Variants in ZFYVE9 observed in about 807,000 individuals in gnomAD.
ZFYVE9 encodes zinc finger FYVE domain-containing protein 9.
In ZFYVE9, 43 loss-of-function variants were observed where a neutral mutation model predicts 126.7. That is an observed-to-expected ratio of 0.34 (90% CI 0.27 to 0.44). The LOEUF is 0.44. ZFYVE9 is among the 20% of genes least tolerant of loss of function. ZFYVE9 has a pLI of 1.00. For missense variants in ZFYVE9, 1,476 were observed against 1,697.0 expected (o/e 0.87, Z 2.29); for synonymous variants, 521 against 597.4 (o/e 0.87, Z 1.87).
At chr1:52,155,742 A>G (rs1410126597) in intron 1 of ZFYVE9, among the ~76,000 whole-genome samples, 5 of 152,318 alleles carry the variant, frequency 3.3e-5, no homozygotes, top group Non-Finnish European at 5.9e-5. Flanking sequence ...CAACCAGTAT[A>G]TGGGCCACAG....
chr1:52,192,256 CT>C (rs1319447263), intron 1 of ZFYVE9, among the ~76,000 whole-genome samples: 1 of 152,152 alleles, frequency 6.6e-6, no homozygotes, highest in African/African-American at 2.4e-5. Flanking sequence ...TGTAAAAGCA[CT>C]TTTAGGCATT....
intron 7 of ZFYVE9, among the ~76,000 whole-genome samples, chr1:52,269,616 G>A (rs557687235): frequency 4.9e-4 from 75 of 152,128 alleles, no homozygotes; most frequent in Non-Finnish European, 9.0e-4. Flanking sequence ...TACCTGTTTG[G>A]TGAGTTATTG....
chr1:52,274,636 C>G (rs772047250), intron 8 of ZFYVE9, 52 bp downstream of exon 8: 1 of 1,507,230 alleles, frequency 6.6e-7, no homozygotes, highest in South Asian at 1.3e-5. Context: ...CAAATGTTAC[C>G]TTCTAATTAA....
At chr1:52,307,495 C>A (rs1569724345) in intron 13 of ZFYVE9, among the ~76,000 whole-genome samples, 1 of 152,302 alleles carries the variant, frequency 6.6e-6, no homozygotes, top group East Asian at 1.9e-4. Flanking sequence ...CCTTGGCCTC[C>A]CAAAGTGCTA....
At chr1:52,278,814 C>T (rs570661934) in intron 9 of ZFYVE9, among the ~76,000 whole-genome samples, 200 bp downstream of exon 9, 242 of 151,508 alleles carry the variant, frequency 1.6e-3, no homozygotes, top group African/African-American at 5.7e-3. Context: ...GCAAGCTCCA[C>T]CTCCCGGGTT....
At position 52,255,981 on chromosome 1, in the gene ZFYVE9, TTTCC is replaced by T. The variant is rs772190432; in HGVS notation, c.2179-7764_2179-7761del. Among the ~76,000 whole-genome samples the T allele has an allele frequency of 5.1e-3, 587 of 115,512 alleles. 14 individuals are homozygous for T. Among genetic ancestry groups the T allele is most frequent in the East Asian group, 0.035 (129 of 3,642 alleles). The allele number at this position is 115,512 out of a possible 152,430, so 75.8% of individuals were successfully genotyped here. A position where few individuals can be genotyped will look rare whatever the true frequency, so the allele number is the denominator to read the frequency against. On this transcript the variant is annotated intron_variant, in intron 4 of 18. Coordinates refer to ENST00000287727, the MANE Select transcript of ZFYVE9 (RefSeq NM_004799.4). ...TTCTTTTCTTTTCTTTCTTTCTTTCTTTCCTTCCTTCCTTCCTTCCTTCCTTCCT... is the reference window on the plus strand; with the variant it reads ...TTCTTTTCTTTTCTTTCTTTCTTTCTTTCCTTCCTTCCTTCCTTCCTTCCT...
chr1:52,307,900 C>T (rs772566799), intron 13 of ZFYVE9, among the ~76,000 whole-genome samples: 8 of 151,566 alleles, frequency 5.3e-5, no homozygotes, highest in African/African-American at 1.2e-4. Context: ...TACAGGTGTC[C>T]GCTACCACGC....
chr1:52,233,409 A>G, intron 3 of ZFYVE9, 133 bp downstream of exon 3: 1 of 474,798 alleles, frequency 2.1e-6, no homozygotes, highest in Non-Finnish European at 3.4e-6. Context: ...AATAATATAC[A>G]GGGGAAGAAA....
At chr1:52,160,393 C>A (rs1165111779) in intron 1 of ZFYVE9, 1 of 1,110,198 alleles carries the variant, frequency 9.0e-7, no homozygotes, top group Non-Finnish European at 1.4e-6. Context: ...ATTCAGACAC[C>A]AACTTTGGGA....
chr1:52,311,257 A>G (rs1235487249), intron 13 of ZFYVE9, among the ~76,000 whole-genome samples: 1 of 125,652 alleles, frequency 8.0e-6, no homozygotes, highest in Non-Finnish European at 1.6e-5. Context: ...TAGACCTTGG[A>G]TTGATTTTTT....
rs576693963 is a variant in ZFYVE9, at chr1:52,155,240, T to C, written c.-143+12837T>C. On this transcript the variant is annotated intron_variant, in intron 1 of 18. Transcript: ENST00000287727. ...AGCTGTTTTTCTTTTTTTTCTTTTT[T>C]TTTTTTTTTTTTTGAGACGGAGTCT... Among the ~76,000 whole-genome samples the C allele has an allele frequency of 2.0e-4, 26 of 132,550 alleles. No individual in the cohort carries two copies. In the East Asian group the frequency reaches 3.3e-3, roughly 17 times the overall value. The allele number at this position is 132,550 out of a possible 152,430, so 87.0% of individuals were successfully genotyped here. A position where few individuals can be genotyped will look rare whatever the true frequency, so the allele number is the denominator to read the frequency against.
Position 52,239,436 on chromosome 1 carries a change from C to G in ZFYVE9, c.2019C>G (p.Leu673=). 6.2e-7 allele frequency: 1 copy of G among 1,614,156 alleles called. No homozygotes were observed. The highest frequency in any genetic ancestry group is 8.5e-7 in the Non-Finnish European group (1 of 1,180,008). Residue 673 remains leucine (L), a synonymous_variant, in exon 4 of 19, where the codon CTC becomes CTG. Transcript: ENST00000287727. ...ALAPDSPDND[L]RAGQFGISAR... is the part of the protein sequence containing the mutation. ...CTCCAGATAGCCCAGATAATGATCTCAGAGCTGGTCAGTTTGGAATTTCTG... is the reference window on the plus strand; with the variant it reads ...CTCCAGATAGCCCAGATAATGATCTGAGAGCTGGTCAGTTTGGAATTTCTG...
intron 15 of ZFYVE9, among the ~76,000 whole-genome samples, chr1:52,336,911 A>G (rs1200754970): frequency 6.7e-6 from 1 of 150,030 alleles, no homozygotes; most frequent in Admixed American, 6.7e-5. Context: ...CGTCCCTGTG[A>G]ATAGTCACTG....
chr1:52,281,634 A>G, intron 9 of ZFYVE9, 27 bp from the exon 10 acceptor site: 1 of 1,610,046 alleles, frequency 6.2e-7, no homozygotes, highest in Non-Finnish European at 8.5e-7. Flanking sequence ...GAATGTCTTT[A>G]TTTTTGTGTT....
In ZFYVE9 at chr1:52,268,635, A is replaced by G; in HGVS notation, c.2625+3A>G. ...CTACCAGTCCTCTACCAGCAGAGGT[A>G]AGAAAACAAAACAGCAACTAAAATT... is the stretch of plus-strand genomic sequence containing the variant. On this transcript the variant is annotated splice_donor_region_variant and intron_variant, in intron 7 of 18. Transcript: ENST00000287727. The G allele has an allele frequency of 6.2e-7, 1 of 1,612,560 alleles. No homozygotes were observed. The highest frequency in any genetic ancestry group is 8.5e-7 in the Non-Finnish European group (1 of 1,178,952).
At chr1:52,330,954 C>T (rs997460406) in intron 13 of ZFYVE9, among the ~76,000 whole-genome samples, 8 of 152,140 alleles carry the variant, frequency 5.3e-5, no homozygotes, top group African/African-American at 1.9e-4. Context: ...GCAGCCTCCA[C>T]CTGTTGGGGT....
chr1:52,337,706 G>A, intron 15 of ZFYVE9, 66 bp from the exon 16 acceptor site: 3 of 1,570,056 alleles, frequency 1.9e-6, no homozygotes, highest in Non-Finnish European at 2.6e-6. Context: ...TTAACTCGGA[G>A]GAATTTGCTA....
At chr1:52,180,250 G>A in intron 1 of ZFYVE9, 1 of 1,603,816 alleles carries the variant, frequency 6.2e-7, no homozygotes, top group Non-Finnish European at 8.5e-7. Context: ...GGAGTTGCCA[G>A]GAAGTTTCCT....
intron 9 of ZFYVE9, among the ~76,000 whole-genome samples, chr1:52,280,419 A>T (rs1171054146): frequency 6.6e-6 from 1 of 151,960 alleles, no homozygotes; most frequent in Non-Finnish European, 1.5e-5. Flanking sequence ...TTCTTGAAGT[A>T]TATACCATCA....
Sources: allele counts gnomAD v4.1 joint callset (sites outside exome capture counted in the v4.1 genomes callset), GRCh38; gene constraint gnomAD v4.1.1; transcripts MANE v1.5; gene names NCBI Gene and HGNC (gene_info 2026-07-23, HGNC 2026-07-21).